The following CCNC variants were observed in gnomAD, a reference collection of about 807,000 sequenced individuals.
The protein encoded by CCNC is cyclin C, also known as cyclin-C.
CCNC carries 19 observed loss-of-function variants against 50.0 expected under a neutral mutation model. The observed-to-expected ratio is 0.38, with a 90% CI of 0.27 to 0.56. The LOEUF is 0.56. Ranked by LOEUF, CCNC falls within the 20% of genes least tolerant of loss-of-function variation. CCNC has a pLI of 0.72. For missense variants in CCNC, 200 were observed against 327.1 expected, an observed-to-expected ratio of 0.61 and a Z score of 3.00; for synonymous variants, 93 against 103.7, an observed-to-expected ratio of 0.90 and a Z score of 0.63.
chr6:99,567,679 T>A (rs915111010), intron 1 of CCNC, among the ~76,000 whole-genome samples: 3 of 152,240 alleles, frequency 2.0e-5, no homozygotes, highest in Non-Finnish European at 4.4e-5. Context: ...CAAATTCTGT[T>A]CATCTTTCAA....
At chr6:99,564,352 G>A (rs1186710317) in intron 1 of CCNC, among the ~76,000 whole-genome samples, 1 of 151,138 alleles carries the variant, frequency 6.6e-6, no homozygotes, top group Non-Finnish European at 1.5e-5. Context: ...TTGAACCCGG[G>A]AGGTGGAAGT....
At chr6:99,547,786 G>C (rs1802128680) in intron 9 of CCNC, among the ~76,000 whole-genome samples, 2 of 152,186 alleles carry the variant, frequency 1.3e-5, no homozygotes, top group South Asian at 4.1e-4. Flanking sequence ...AAGATAGACA[G>C]GCTCTCTGAG....
At chr6:99,546,157 G>T (rs1047905446) in intron 10 of CCNC, among the ~76,000 whole-genome samples, 8 of 151,874 alleles carry the variant, frequency 5.3e-5, no homozygotes, top group African/African-American at 1.9e-4. Flanking sequence ...GTAGAGACGG[G>T]GTTTCACCAT....
chr6:99,543,639 T>C lies in CCNC; in HGVS notation c.798-30A>G, dbSNP rs184597155. On this transcript the variant is annotated intron_variant, in intron 11 of 11. Coordinates refer to ENST00000520429, the MANE Select transcript of CCNC (RefSeq NM_005190.4). ...TCAAATGGGGAAGAAAGAGATTTTA[T>C]ACCAATTAAAAGATCCATTTTTACA... The C allele has an allele frequency of 5.8e-4, 931 of 1,611,782 alleles. 9 individuals are homozygous for C. The African/African-American group carries it at 6.6e-3, about 11-fold the overall frequency.
At chr6:99,561,915 C>G (rs1802797114) in intron 2 of CCNC, 1 of 268,416 alleles carries the variant, frequency 3.7e-6, no homozygotes, top group Non-Finnish European at 7.0e-6. Flanking sequence ...AGAAATTGCC[C>G]CACAGGAAAA....
intron 11 of CCNC, 102 bp from the exon 12 acceptor site, chr6:99,543,711 C>G: frequency 6.5e-7 from 1 of 1,537,118 alleles, no homozygotes; most frequent in East Asian, 2.3e-5. Context: ...TGTGGCACAA[C>G]TATACAAAAC....
intron 1 of CCNC, chr6:99,567,986 G>GC (rs1769219192): frequency 1.3e-5 from 2 of 154,432 alleles, no homozygotes; most frequent in Non-Finnish European, 1.4e-5. Flanking sequence ...TAAAGTACGC[G>GC]CAAGAAGCGG....
rs1802666859 is a variant in CCNC, at chr6:99,559,134, A to G, written c.295-586T>C. Among the ~76,000 whole-genome samples the G allele has an allele frequency of 2.0e-5, 3 of 151,782 alleles. No individual in the cohort carries two copies. The South Asian group carries it at 6.2e-4, about 32-fold the overall frequency. ...ATTAACAGATACTTCATGCCATTCT[A>G]TGGTAAAACAGTTGAATTTGTGAAT... On this transcript the variant is annotated intron_variant, in intron 4 of 11. Coordinates refer to ENST00000520429, the MANE Select transcript of CCNC (RefSeq NM_005190.4).
chr6:99,558,614 A>T, intron 4 of CCNC, 66 bp from the exon 5 acceptor site: 1 of 1,444,382 alleles, frequency 6.9e-7, no homozygotes, highest in Non-Finnish European at 9.3e-7. Flanking sequence ...TCTATTCAAA[A>T]CAGGATTTCC....
chr6:99,568,234 A>C (rs1769237764), intron 1 of CCNC: 5 of 539,720 alleles, frequency 9.3e-6, no homozygotes, highest in South Asian at 2.2e-5. Context: ...TCCGAAATTA[A>C]ACTCCGAAAC....
intron 5 of CCNC, among the ~76,000 whole-genome samples, chr6:99,555,883 C>G (rs967528745): frequency 6.6e-6 from 1 of 152,118 alleles, no homozygotes. Flanking sequence ...TTCTCTTTTT[C>G]AGTACCAGCT....
In CCNC at chr6:99,552,966, C is replaced by T. The variant is rs369610235; in HGVS notation, c.347-1071G>A. ...CCGAGGCAGGAGAATCCCTTGAACC[C>T]GGGAGGCAGAGGGTGCAGTGAGCTG... On this transcript the variant is annotated intron_variant, in intron 5 of 11. Coordinates refer to ENST00000520429, the MANE Select transcript of CCNC (RefSeq NM_005190.4). Among the ~76,000 whole-genome samples, 288 of 151,880 alleles carry T rather than the reference C, an allele frequency of 1.9e-3. 3 individuals carry two copies. Among genetic ancestry groups the T allele is most frequent in the African/African-American group, 6.5e-3 (271 of 41,430 alleles).
chr6:99,548,164 A>T (rs2114261639), intron 9 of CCNC, among the ~76,000 whole-genome samples: 1 of 152,286 alleles, frequency 6.6e-6, no homozygotes, highest in Admixed American at 6.5e-5. Flanking sequence ...GGCTAAATAA[A>T]GAGATTTAAA....
intron 4 of CCNC, among the ~76,000 whole-genome samples, chr6:99,559,046 T>C (rs1010732212): frequency 5.3e-5 from 8 of 152,292 alleles, no homozygotes; most frequent in African/African-American, 1.9e-4. Context: ...TCCAAGAAGA[T>C]TGTTTACATT....
chr6:99,561,614 G>C lies in CCNC; in HGVS notation c.207C>G (p.Phe69Leu). 6.2e-7 allele frequency: 1 copy of C among 1,607,536 alleles called. No individual in the cohort carries two copies. Among genetic ancestry groups the C allele is most frequent in the South Asian group, 1.1e-5 (1 of 90,224 alleles). ...QQVIATATVYFKRFYARYSLK... is the reference protein window; with the variant it reads ...QQVIATATVYLKRFYARYSLK... ...AATCCTACCTGGCATAGAATCTCTT[G>C]AAATATACCGTAGCAGTGGCAATAA... is the stretch of plus-strand genomic sequence containing the variant. Residue 69 changes from phenylalanine (F) to leucine (L), a missense_variant, in exon 3 of 12, where the codon TTC becomes TTG. By Grantham distance (22) the Phe-to-Leu change is conservative. Coordinates refer to ENST00000520429, the MANE Select transcript of CCNC (RefSeq NM_005190.4).
chr6:99,558,948 T>G (rs1802660298), intron 4 of CCNC, among the ~76,000 whole-genome samples: 1 of 152,138 alleles, frequency 6.6e-6, no homozygotes, highest in African/African-American at 2.4e-5. Context: ...TATTTTAAAA[T>G]AATTTTATAA....
chr6:99,553,762 C>T (rs1802403149), intron 5 of CCNC, among the ~76,000 whole-genome samples: 1 of 152,168 alleles, frequency 6.6e-6, no homozygotes, highest in Non-Finnish European at 1.5e-5. Context: ...ACTTCCCAGC[C>T]TCCAGAACTG....
chr6:99,555,802 A>G (rs1226005536), intron 5 of CCNC, among the ~76,000 whole-genome samples: 1 of 152,184 alleles, frequency 6.6e-6, no homozygotes, highest in African/African-American at 2.4e-5. Context: ...CATTTTTAAG[A>G]GGATGTTCTA....
intron 1 of CCNC, chr6:99,567,184 C>CT (rs994241479): frequency 6.0e-4 from 94 of 156,360 alleles, no homozygotes; most frequent in South Asian, 2.5e-3. Flanking sequence ...AAGGCAGGAT[C>CT]TTTTTTTTTT....
Sources: gnomAD v4.1 joint callset for allele counts (sites outside exome capture counted in the v4.1 genomes callset) on GRCh38, gnomAD v4.1.1 for gene constraint, MANE v1.5 for transcripts, NCBI Gene and HGNC (gene_info 2026-07-23, HGNC 2026-07-21) for gene names.